Variants in TRIM67 observed in about 807,000 individuals in gnomAD.
TRIM67 encodes tripartite motif-containing protein 67.
A neutral mutation model predicts 71.0 loss-of-function variants in TRIM67; 39 were observed. The observed-to-expected ratio is 0.55, with a 90% CI of 0.43 to 0.72. The LOEUF (loss-of-function observed/expected upper bound fraction) is 0.72, where lower values mean the gene tolerates loss of function less well. TRIM67 is among the 30% of genes least tolerant of loss of function. The pLI is 0.00. For missense variants in TRIM67, 973 were observed against 1,079.2 expected (o/e 0.90, Z 1.38); for synonymous variants, 481 against 473.9 (o/e 1.01, Z -0.19).
chr1:231,206,895 G>A (rs1345633944), intron 7 of TRIM67, 105 bp downstream of exon 7: 11 of 1,280,468 alleles, frequency 8.6e-6, no homozygotes, highest in African/African-American at 3.0e-5. Context: ...GGGGTGGGGG[G>A]TGGTGCTGGG....
At chr1:231,177,051 G>A (rs1228878205) in intron 1 of TRIM67, among the ~76,000 whole-genome samples, 3 of 152,144 alleles carry the variant, frequency 2.0e-5, no homozygotes, top group African/African-American at 7.2e-5. Context: ...GCAGGGATAT[G>A]GACTTACTTT....
rs1230178836 is a variant in TRIM67 at position 231,199,027 on chromosome 1, C to G, written c.1141-20C>G. ...CTAAAACTCTTTGCTTCTTCCCAAC[C>G]AACCCCCAACCTCTGCCAGGAAAAC... On this transcript the variant is annotated intron_variant, in intron 2 of 9. Transcript: ENST00000366653. 1.2e-6 allele frequency: 2 copies of G among 1,613,780 alleles called. No individual in the cohort carries two copies. Among genetic ancestry groups the G allele is most frequent in the East Asian group, 2.2e-5 (1 of 44,874 alleles).
At chr1:231,173,087 A>G (rs1041076363) in intron 1 of TRIM67, among the ~76,000 whole-genome samples, 4 of 152,208 alleles carry the variant, frequency 2.6e-5, no homozygotes, top group South Asian at 2.1e-4. Flanking sequence ...ATGCCTATAT[A>G]TCATATCAGA....
At chr1:231,186,293 G>T in intron 1 of TRIM67, 1 of 828,024 alleles carries the variant, frequency 1.2e-6, no homozygotes, top group Non-Finnish European at 1.9e-6. Context: ...GTTGGAACAG[G>T]ACAAATCGGG....
At chr1:231,164,322 C>T (rs1429429302) in intron 1 of TRIM67, among the ~76,000 whole-genome samples, 4 of 152,154 alleles carry the variant, frequency 2.6e-5, no homozygotes, top group African/African-American at 9.7e-5. Context: ...CTCTTTTACT[C>T]CCAACGTCTG....
At position 231,206,797 on chromosome 1, in the gene TRIM67, A is replaced by G. The variant is rs1054781985; in HGVS notation, c.1819+7A>G. 22 of 1,585,288 alleles carry G rather than the reference A, an allele frequency of 1.4e-5. No individual in the cohort carries two copies. The highest frequency in any genetic ancestry group is 1.8e-5 in the Admixed American group (1 of 54,662). On this transcript the variant is annotated splice_region_variant and intron_variant, in intron 7 of 9. Transcript: ENST00000366653. The stretch of plus-strand genomic sequence containing the variant: ...GTCCTGCAGACATCCGATGGTGAGC[A>G]TCGGGATCTCTTAGTGGGAAGAACA...
intron 5 of TRIM67, among the ~76,000 whole-genome samples, chr1:231,203,012 G>A (rs1338080919): frequency 2.6e-5 from 4 of 152,144 alleles, no homozygotes; most frequent in Admixed American, 6.6e-5. Context: ...GGGCCCAGGG[G>A]ATGGAGCGAG....
rs1684024756 is a variant in TRIM67, at chr1:231,216,784, T to A, written c.*1344T>A. The A allele has an allele frequency of 1.0e-6, 1 of 985,380 alleles. No individual in the cohort carries two copies. The highest frequency in any genetic ancestry group is 1.7e-5 in the African/African-American group (1 of 57,246). The allele number at this position is 985,380 out of a possible 1,614,324, so 61.0% of individuals were successfully genotyped here. Reference sequence around the variant, plus strand: ...AGATCCACATTGATTCATCCACACCTCTCAGAGACAGCTCATGGCAGGGGT... The same window carrying A: ...AGATCCACATTGATTCATCCACACCACTCAGAGACAGCTCATGGCAGGGGT... On this transcript the variant is annotated 3_prime_UTR_variant, in exon 10 of 10. Transcript: ENST00000366653.
chr1:231,194,104 G>A (rs888885378), intron 1 of TRIM67, among the ~76,000 whole-genome samples: 2 of 152,188 alleles, frequency 1.3e-5, no homozygotes, highest in South Asian at 2.1e-4. Context: ...TGAGAAATCC[G>A]TGTTTGTGGC....
rs891799507 is a variant in TRIM67 at position 231,163,356 on chromosome 1, C to A, written c.387C>A (p.Pro129=). The A allele has an allele frequency of 6.5e-7, 1 of 1,532,516 alleles. No individual in the cohort carries two copies. The highest frequency in any genetic ancestry group is 8.8e-7 in the Non-Finnish European group (1 of 1,140,036). 94.9% of individuals were successfully genotyped at this position (1,532,516 alleles called of 1,614,324 possible). ...CCCCCAACGGGGTTCGCGTGCTGCC[C>A]ATGGTGCCCGCACCACCCGGCTCCT... ...LKSPNGVRVL[P]MVPAPPGSSA... The change falls in exon 1 of 10, where the codon CCC becomes CCA. Residue 129 remains proline (P), a synonymous_variant. Transcript: ENST00000366653.
Position 231,218,229 on chromosome 1 carries a change from C to T in TRIM67, c.*2789C>T. 1 of 1,010,506 alleles carries T rather than the reference C, an allele frequency of 9.9e-7. No homozygotes were observed. Among genetic ancestry groups the T allele is most frequent in the Non-Finnish European group, 1.2e-6 (1 of 844,580 alleles). 62.6% of individuals were successfully genotyped at this position (1,010,506 alleles called of 1,614,324 possible). A position where few individuals can be genotyped will look rare whatever the true frequency, so the allele number is the denominator to read the frequency against. On this transcript the variant is annotated 3_prime_UTR_variant, in exon 10 of 10. Transcript: ENST00000366653. ...GACAGGTCATGGAATTCTCATCCAC[C>T]ATCGAATTCCATAACACGTTACATC...
intron 1 of TRIM67, among the ~76,000 whole-genome samples, chr1:231,194,637 A>G (rs1233194259): frequency 6.6e-6 from 1 of 152,212 alleles, no homozygotes; most frequent in African/African-American, 2.4e-5. Flanking sequence ...ACAGGCTAAC[A>G]TTCCATGTGC....
chr1:231,212,727 C>A (rs546158366), intron 8 of TRIM67, among the ~76,000 whole-genome samples: 1 of 152,256 alleles, frequency 6.6e-6, no homozygotes, highest in African/African-American at 2.4e-5. Context: ...AAACAAAAAA[C>A]CACCTCAAGG....
chr1:231,216,382 A>G lies in TRIM67; in HGVS notation c.*942A>G, dbSNP rs1684014330. 1.0e-6 allele frequency: 1 copy of G among 985,452 alleles called. No individual in the cohort carries two copies. Among genetic ancestry groups the G allele is most frequent in the African/African-American group, 1.7e-5 (1 of 57,370 alleles). 61.0% of individuals were successfully genotyped at this position (985,452 alleles called of 1,614,324 possible). On this transcript the variant is annotated 3_prime_UTR_variant, in exon 10 of 10. Coordinates refer to ENST00000366653, the MANE Select transcript of TRIM67 (RefSeq NM_001004342.5). ...CACGTGAAAACACAAGAATTTTAAC[A>G]ACTATGTCATAGGTCTTCGCCTGGT...
In TRIM67 at chr1:231,163,964, A is replaced by T; in HGVS notation, c.995A>T (p.His332Leu). The change falls in exon 1 of 10, where the codon CAC (histidine) becomes CTC (leucine). Residue 332 changes from histidine (H) to leucine (L), a missense_variant. Around this residue, in one of 2 missense-constraint regions of TRIM67, gnomAD observed 795 missense variants for 831.3 expected, o/e 0.96. Coordinates refer to ENST00000366653, the MANE Select transcript of TRIM67 (RefSeq NM_001004342.5). Reference protein sequence around the residue: ...VCYLCLEEGRHAKHEVKPLGA... With the variant: ...VCYLCLEEGRLAKHEVKPLGA... ...TATCTGTGCCTGGAGGAGGGCCGGC[A>T]CGCCAAGCACGAGGTGAAGCCGCTG... 6.3e-7 allele frequency: 1 copy of T among 1,582,490 alleles called. No homozygotes were observed. Among genetic ancestry groups the T allele is most frequent in the Non-Finnish European group, 8.6e-7 (1 of 1,164,534 alleles).
In TRIM67 at chr1:231,221,526, G is replaced by C. The variant is rs180962168; in HGVS notation, c.*6086G>C. The C allele has an allele frequency of 5.2e-5, 8 of 152,730 alleles. No homozygotes were observed. In the East Asian group the frequency reaches 1.5e-3, roughly 29 times the overall value. 9.5% of individuals were successfully genotyped at this position (152,730 alleles called of 1,614,324 possible). A position where few individuals can be genotyped will look rare whatever the true frequency, so the allele number is the denominator to read the frequency against. ...CTGAGTTTTACCACAGTCTTAAGCA[G>C]ATTTGAAATAAATTCTTTTGACACT... On this transcript the variant is annotated 3_prime_UTR_variant, in exon 10 of 10. Transcript: ENST00000366653.
intron 2 of TRIM67, among the ~76,000 whole-genome samples, chr1:231,197,831 A>G (rs1259742261): frequency 6.7e-6 from 1 of 150,226 alleles, no homozygotes; most frequent in East Asian, 2.0e-4. Context: ...GTCTCAAAGA[A>G]AAGAAGAAGA....
chr1:231,199,951 G>A (rs1278197699), intron 3 of TRIM67, among the ~76,000 whole-genome samples, 197 bp from the exon 4 acceptor site: 1 of 152,170 alleles, frequency 6.6e-6, no homozygotes, highest in African/African-American at 2.4e-5. Context: ...TGCTTGTTAG[G>A]AAGTGAGTCC....
chr1:231,210,546 C>T (rs748562331), intron 8 of TRIM67, among the ~76,000 whole-genome samples: 1 of 151,308 alleles, frequency 6.6e-6, no homozygotes, highest in Non-Finnish European at 1.5e-5. Context: ...CACAGAGGGG[C>T]CAAGTCCAGG....
Sources: gnomAD v4.1 joint callset for allele counts (sites outside exome capture counted in the v4.1 genomes callset) on GRCh38, gnomAD v4.1.1 for gene constraint, gnomAD v4.1.1 regional missense constraint, MANE v1.5 for transcripts, NCBI Gene and HGNC (gene_info 2026-07-23, HGNC 2026-07-21) for gene names.